DCC: variants seen among roughly 807,000 people sequenced by gnomAD.
DCC encodes netrin receptor DCC.
In DCC, 58 loss-of-function variants were observed where a neutral mutation model predicts 172.5. That is an observed-to-expected ratio of 0.34 (90% CI 0.27 to 0.42). The LOEUF (loss-of-function observed/expected upper bound fraction) is 0.42, where lower values mean the gene tolerates loss of function less well. Ranked by LOEUF, DCC falls within the 10% of genes least tolerant of loss-of-function variation. The probability of loss-of-function intolerance (pLI) is 1.00; values close to 1 mark genes in which losing one functional copy is unlikely to be tolerated. For missense variants in DCC, 1,740 were observed against 1,791.0 expected, an observed-to-expected ratio of 0.97 and a Z score of 0.51; for synonymous variants, 709 against 644.5, an observed-to-expected ratio of 1.10 and a Z score of -1.52.
chr18:52,917,574 C>T (rs2040060848), intron 3 of DCC, among the ~76,000 whole-genome samples: 1 of 151,956 alleles, frequency 6.6e-6, no homozygotes, highest in Non-Finnish European at 1.5e-5. Context: ...TAAAGTAGGT[C>T]AATATTTCTA....
intron 1 of DCC, among the ~76,000 whole-genome samples, chr18:52,739,661 C>T (rs9304428): frequency 0.38 from 57,297 of 152,038 alleles, 11,305 homozygotes; most frequent in South Asian, 0.45. Flanking sequence ...TTTATGTTTA[C>T]TCTTTGGCTT....
intron 21 of DCC, among the ~76,000 whole-genome samples, chr18:53,429,071 AAT>A (rs1203072902): frequency 2.6e-5 from 1 of 38,786 alleles, no homozygotes; most frequent in African/African-American, 5.7e-5. Context: ...TTTTATATAT[AAT>A]ATATATTTTA....
chr18:52,742,901 C>A (rs755146122), intron 1 of DCC, among the ~76,000 whole-genome samples: 2 of 152,036 alleles, frequency 1.3e-5, no homozygotes, highest in Non-Finnish European at 2.9e-5. Flanking sequence ...GATAATAAAG[C>A]AAATCATTAT....
intron 5 of DCC, among the ~76,000 whole-genome samples, chr18:53,062,562 A>G (rs550118175): frequency 6.6e-6 from 1 of 152,250 alleles, no homozygotes; most frequent in African/African-American, 2.4e-5. Context: ...TCTTTCTCCT[A>G]GGCAAGGTTT....
intron 5 of DCC, among the ~76,000 whole-genome samples, chr18:52,945,661 G>C (rs528865897): frequency 5.8e-4 from 88 of 152,314 alleles, no homozygotes; most frequent in African/African-American, 2.0e-3. Context: ...CACTGGCTTA[G>C]AGAGCTGAGC....
At chr18:52,452,873 A>G (rs1459526941) in intron 1 of DCC, among the ~76,000 whole-genome samples, 1 of 152,234 alleles carries the variant, frequency 6.6e-6, no homozygotes, top group Non-Finnish European at 1.5e-5. Flanking sequence ...AAACGTTAGT[A>G]CAACTTGTAC....
intron 27 of DCC, among the ~76,000 whole-genome samples, chr18:53,507,461 G>T (rs977597265): frequency 6.6e-6 from 1 of 152,120 alleles, no homozygotes; most frequent in Non-Finnish European, 1.5e-5. Flanking sequence ...TTACTAGCAG[G>T]GACTTATAAA....
At chr18:52,353,411 G>T (rs1318286655) in intron 1 of DCC, among the ~76,000 whole-genome samples, 1 of 152,120 alleles carries the variant, frequency 6.6e-6, no homozygotes, top group South Asian at 2.1e-4. Context: ...GGGACACAGA[G>T]GCCCTGGGCC....
At chr18:52,460,418 A>G (rs944604107) in intron 1 of DCC, among the ~76,000 whole-genome samples, 1 of 152,130 alleles carries the variant, frequency 6.6e-6, no homozygotes. Context: ...CTTAGCTTCC[A>G]AGATAGTAAA....
chr18:53,173,562 A>G (rs2055045369), intron 8 of DCC, among the ~76,000 whole-genome samples: 1 of 152,144 alleles, frequency 6.6e-6, no homozygotes, highest in African/African-American at 2.4e-5. Context: ...TAAACCAACA[A>G]AGATCAAAAG....
chr18:52,946,838 G>T (rs1206362889), intron 5 of DCC, among the ~76,000 whole-genome samples: 1 of 152,066 alleles, frequency 6.6e-6, no homozygotes, highest in Non-Finnish European at 1.5e-5. Context: ...GGGTAAGGCA[G>T]GTGAGGTGCA....
intron 5 of DCC, among the ~76,000 whole-genome samples, chr18:52,960,959 G>A (rs1000202252): frequency 3.9e-5 from 6 of 152,096 alleles, no homozygotes; most frequent in African/African-American, 9.7e-5. Context: ...TTAGAGAGCC[G>A]TACAATTTCA....
intron 1 of DCC, among the ~76,000 whole-genome samples, chr18:52,705,568 A>T (rs1232714564): frequency 1.3e-5 from 2 of 152,216 alleles, no homozygotes; most frequent in African/African-American, 2.4e-5. Context: ...AATTGGTCTG[A>T]AAAAGAAAAA....
intron 2 of DCC, among the ~76,000 whole-genome samples, chr18:52,806,027 T>C (rs534770148): frequency 1.3e-5 from 2 of 152,364 alleles, no homozygotes; most frequent in African/African-American, 4.8e-5. Context: ...GAAGGACTTT[T>C]AGGCATATTT....
At chr18:53,259,777 G>A (rs1424831099) in intron 12 of DCC, among the ~76,000 whole-genome samples, 7 of 152,170 alleles carry the variant, frequency 4.6e-5, no homozygotes, top group Non-Finnish European at 1.5e-5. Flanking sequence ...GATTGGGGAA[G>A]TTCTCCTGGA....
At chr18:52,647,918 C>A (rs2035049487) in intron 1 of DCC, among the ~76,000 whole-genome samples, 1 of 151,836 alleles carries the variant, frequency 6.6e-6, no homozygotes, top group Non-Finnish European at 1.5e-5. Context: ...CTAATAAATA[C>A]AAGAAAAACT....
intron 12 of DCC, among the ~76,000 whole-genome samples, chr18:53,260,499 G>A (rs2056582460): frequency 6.6e-6 from 1 of 152,132 alleles, no homozygotes; most frequent in South Asian, 2.1e-4. Context: ...GTATCAGCAG[G>A]AGAGGCTGCA....
chr18:53,072,371 TG>T (rs1442953697), intron 7 of DCC, among the ~76,000 whole-genome samples: 1 of 152,090 alleles, frequency 6.6e-6, no homozygotes, highest in Non-Finnish European at 1.5e-5. Context: ...GAGCAGGAGA[TG>T]GGGAGCAAGG....
chr18:53,015,761 C>T (rs1294208063), intron 5 of DCC, among the ~76,000 whole-genome samples: 3 of 151,924 alleles, frequency 2.0e-5, no homozygotes, highest in Non-Finnish European at 4.4e-5. Context: ...TGAACTTAAC[C>T]ACAAGTTTAG....
Sources: allele counts gnomAD v4.1 joint callset (sites outside exome capture counted in the v4.1 genomes callset), GRCh38; gene constraint gnomAD v4.1.1; transcripts MANE v1.5; gene names NCBI Gene and HGNC (gene_info 2026-07-23, HGNC 2026-07-21).